UFC1: variants seen among roughly 807,000 people sequenced by gnomAD.
UFC1 encodes ubiquitin-fold modifier conjugating enzyme 1, also known as ubiquitin-fold modifier-conjugating enzyme 1.
Under a neutral mutation model 28.0 loss-of-function variants are expected in UFC1, and 22 were observed. The observed-to-expected ratio is 0.78, with a 90% CI of 0.56 to 1.12. The LOEUF (loss-of-function observed/expected upper bound fraction) is 1.12, where lower values mean the gene tolerates loss of function less well. UFC1 is among the 50% of genes most tolerant of loss of function. The pLI is 0.00. For synonymous variants in UFC1, 61 were observed against 74.5 expected (o/e 0.82, Z 0.93); for missense variants, 189 against 207.8 (o/e 0.91, Z 0.56).
intron 1 of UFC1, among the ~76,000 whole-genome samples, chr1:161,156,504 A>G (rs1439853635): frequency 1.4e-5 from 2 of 138,292 alleles, no homozygotes; most frequent in Admixed American, 8.0e-5. Flanking sequence ...GCGCCACTGC[A>G]CTCCAGTCTG....
chr1:161,157,966 G>A, intron 4 of UFC1, 155 bp from the exon 5 acceptor site: 1 of 672,900 alleles, frequency 1.5e-6, no homozygotes, highest in Non-Finnish European at 2.5e-6. Flanking sequence ...CTGGCCTAGT[G>A]GGGTGCCAGG....
chr1:161,157,624 TC>T lies in UFC1; in HGVS notation c.264del (p.Thr89HisfsTer29). ...YEFDIEFDIP[I>X]TYPTTAPEIA... ...GTTTTATAATTTCTCCAGATTCCTATCACATATCCTACTACTGCCCCAGAAA... is the reference window on the plus strand; with the variant it reads ...GTTTTATAATTTCTCCAGATTCCTATACATATCCTACTACTGCCCCAGAAA... On this transcript the variant is annotated frameshift_variant, in exon 4 of 6. Coordinates refer to ENST00000368003, the MANE Select transcript of UFC1 (RefSeq NM_016406.4). LOFTEE classifies it high-confidence loss of function. 1 of 1,613,726 alleles carries T rather than the reference TC, an allele frequency of 6.2e-7. No homozygotes were observed. The highest frequency in any genetic ancestry group is 8.5e-7 in the Non-Finnish European group (1 of 1,179,646).
At position 161,156,931 on chromosome 1, in the gene UFC1, C is replaced by T. The variant is rs756328544; in HGVS notation, c.124-19C>T. The T allele has an allele frequency of 2.5e-6, 4 of 1,613,226 alleles. No homozygotes were observed. In the African/African-American group the frequency reaches 4.0e-5, roughly 16 times the overall value. ...TTGGCCCCAACTACTCTCTCAAAGA[C>T]CTCATTCTCTGCTTTCAGTATGTGG... On this transcript the variant is annotated intron_variant, in intron 1 of 5. Transcript: ENST00000368003.
chr1:161,154,178 C>G (rs1229354415), intron 1 of UFC1, 58 bp downstream of exon 1: 18 of 1,602,106 alleles, frequency 1.1e-5, no homozygotes, highest in Non-Finnish European at 1.4e-5. Flanking sequence ...AATCAGGTGT[C>G]CTCAATAATA....
intron 5 of UFC1, 83 bp from the exon 6 acceptor site, chr1:161,158,329 G>C: frequency 6.3e-7 from 1 of 1,589,794 alleles, no homozygotes; most frequent in Non-Finnish European, 8.6e-7. Flanking sequence ...TGTTCCCCCA[G>C]AATCTGTCTC....
intron 4 of UFC1, 170 bp from the exon 5 acceptor site, chr1:161,157,951 G>A (rs1317579119): frequency 1.5e-6 from 1 of 651,356 alleles, no homozygotes; most frequent in Non-Finnish European, 2.6e-6. Flanking sequence ...TTTTCCCAGG[G>A]TCTGCTGGCC....
At chr1:161,156,851 TAAA>T in intron 1 of UFC1, 96 bp from the exon 2 acceptor site, 1 of 1,108,358 alleles carries the variant, frequency 9.0e-7, no homozygotes, top group Non-Finnish European at 1.3e-6. Context: ...TCAATAAAAA[TAAA>T]AAATAAAAAA....
intron 1 of UFC1, among the ~76,000 whole-genome samples, chr1:161,154,351 G>T (rs943684790): frequency 2.0e-5 from 3 of 152,194 alleles, no homozygotes; most frequent in African/African-American, 7.2e-5. Context: ...AAAAGCAGCA[G>T]TTATTTTAGG....
intron 1 of UFC1, among the ~76,000 whole-genome samples, chr1:161,155,206 C>T (rs1360511158): frequency 1.3e-5 from 2 of 152,126 alleles, no homozygotes; most frequent in Admixed American, 6.5e-5. Flanking sequence ...CATTCGGTCA[C>T]GGAAGGTTTC....
chr1:161,157,762 G>C (rs749067558), intron 4 of UFC1, 69 bp downstream of exon 4: 21 of 1,329,946 alleles, frequency 1.6e-5, no homozygotes, highest in Non-Finnish European at 2.3e-5. Flanking sequence ...GCGGGAGGGA[G>C]AGCATCAGGA....
chr1:161,158,805 G>C lies in UFC1; in HGVS notation c.*313G>C. Reference sequence around the variant, plus strand: ...GGGTAACTGAAAGTGAGTACATATAGTCTTTCTGGTTTCTGGAGATAACCC... The same window carrying C: ...GGGTAACTGAAAGTGAGTACATATACTCTTTCTGGTTTCTGGAGATAACCC... On this transcript the variant is annotated 3_prime_UTR_variant, in exon 6 of 6. Coordinates refer to ENST00000368003, the MANE Select transcript of UFC1 (RefSeq NM_016406.4). The C allele has an allele frequency of 3.0e-6, 1 of 334,162 alleles. No homozygotes were observed. The highest frequency in any genetic ancestry group is 4.0e-5 in the Admixed American group (1 of 25,164). 20.7% of individuals were successfully genotyped at this position (334,162 alleles called of 1,614,324 possible). A position where few individuals can be genotyped will look rare whatever the true frequency, so the allele number is the denominator to read the frequency against.
At position 161,158,521 on chromosome 1, in the gene UFC1, G is replaced by T; in HGVS notation, c.*29G>T. On this transcript the variant is annotated 3_prime_UTR_variant, in exon 6 of 6. Transcript: ENST00000368003. ...ATCAAGCCACTGAGGCAGGGCAGAG[G>T]GACCTTTGATAGGCTACGATACTAT... is the stretch of plus-strand genomic sequence containing the variant. 6.2e-7 allele frequency: 1 copy of T among 1,612,066 alleles called. No homozygotes were observed. Among genetic ancestry groups the T allele is most frequent in the Non-Finnish European group, 8.5e-7 (1 of 1,178,194 alleles).
intron 4 of UFC1, 60 bp from the exon 5 acceptor site, chr1:161,158,061 G>A: frequency 7.0e-7 from 1 of 1,422,276 alleles, no homozygotes; most frequent in Non-Finnish European, 9.9e-7. Flanking sequence ...GCCCCCAAGA[G>A]GCTGCTGTGC....
intron 1 of UFC1, 38 bp downstream of exon 1, chr1:161,154,158 G>A: frequency 6.2e-7 from 1 of 1,610,666 alleles, no homozygotes; most frequent in Non-Finnish European, 8.5e-7. Context: ...GTAGCATAAG[G>A]GTTGGGAGAA....
intron 5 of UFC1, 75 bp downstream of exon 5, chr1:161,158,286 A>T: frequency 6.3e-7 from 1 of 1,576,548 alleles, no homozygotes; most frequent in South Asian, 1.1e-5. Flanking sequence ...AGCAGCTAAG[A>T]ATAAAAGGAA....
At chr1:161,156,874 A>C in intron 1 of UFC1, 76 bp from the exon 2 acceptor site, 1 of 1,251,288 alleles carries the variant, frequency 8.0e-7, no homozygotes, top group Non-Finnish European at 1.1e-6. Flanking sequence ...AAATAACCAC[A>C]TACTTTTCTT....
intron 1 of UFC1, among the ~76,000 whole-genome samples, chr1:161,156,737 G>C (rs993919065): frequency 2.0e-5 from 3 of 152,048 alleles, no homozygotes; most frequent in African/African-American, 7.3e-5. Context: ...AGCTACTCAG[G>C]AGACTGAGGA....
intron 1 of UFC1, 120 bp from the exon 2 acceptor site, chr1:161,156,830 G>A (rs969059612): frequency 3.5e-5 from 31 of 885,300 alleles, no homozygotes; most frequent in Non-Finnish European, 4.5e-5. Flanking sequence ...CGACGGGAGC[G>A]AGATTCCATC....
chr1:161,154,052 A>G lies in UFC1; in HGVS notation c.55A>G (p.Asn19Asp), dbSNP rs371000139. ...GTCTGAGATCCCGGTGCTGAAGACT[A>G]ACGCCGGACCCCGAGATCGTGAGTT... Reference protein sequence around the residue: ...VVSEIPVLKTNAGPRDRELWV... With the variant: ...VVSEIPVLKTDAGPRDRELWV... The change falls in exon 1 of 6, where the codon AAC becomes GAC. Residue 19 changes from asparagine (N) to aspartate (D), a missense_variant. Coordinates refer to ENST00000368003, the MANE Select transcript of UFC1 (RefSeq NM_016406.4). The G allele has an allele frequency of 2.6e-5, 42 of 1,613,928 alleles. No homozygotes were observed. Among genetic ancestry groups the G allele is most frequent in the Non-Finnish European group, 3.5e-5 (41 of 1,180,030 alleles).
Sources: gnomAD v4.1 joint callset for allele counts (sites outside exome capture counted in the v4.1 genomes callset) on GRCh38, gnomAD v4.1.1 for gene constraint, MANE v1.5 for transcripts, NCBI Gene and HGNC (gene_info 2026-07-23, HGNC 2026-07-21) for gene names.